SMLR1: variants seen among roughly 807,000 people sequenced by gnomAD.
SMLR1 encodes the protein small leucine rich protein 1, also known as small leucine-rich protein 1.
A neutral mutation model predicts 6.1 loss-of-function variants in SMLR1; 3 were observed. The ratio of observed to expected loss-of-function variants is 0.49; its 90% CI spans 0.22 to 1.28. The LOEUF (loss-of-function observed/expected upper bound fraction) is 1.28. Ranked by LOEUF, SMLR1 falls within the 50% of genes most tolerant of loss-of-function variation. The pLI is 0.19. For missense variants in SMLR1, 126 were observed against 124.8 expected (o/e 1.01, Z -0.05); for synonymous variants, 55 against 53.6 (o/e 1.03, Z -0.11).
At position 130,836,483 on chromosome 6, in the gene SMLR1, CAGA is replaced by C. The variant is rs1294673467; in HGVS notation, c.*1531_*1533del. 1 of 152,238 alleles carries C rather than the reference CAGA, an allele frequency of 6.6e-6. No homozygotes were observed. Among genetic ancestry groups the C allele is most frequent in the African/African-American group, 2.4e-5 (1 of 41,458 alleles). The allele number at this position is 152,238 out of a possible 1,614,324, so 9.4% of individuals were successfully genotyped here. Reference sequence around the variant, plus strand: ...CATCTTCCTCCAATAATGGGCACTTCAGAAGGCCAGTTCCAGCTCTGGTGGGTG... The same window carrying C: ...CATCTTCCTCCAATAATGGGCACTTCAGGCCAGTTCCAGCTCTGGTGGGTG... On this transcript the variant is annotated 3_prime_UTR_variant, in exon 2 of 2. Coordinates refer to ENST00000541421, the MANE Select transcript of SMLR1 (RefSeq NM_001195597.2).
chr6:130,830,890 G>GCC (rs1033639007), intron 1 of SMLR1, among the ~76,000 whole-genome samples: 1 of 151,898 alleles, frequency 6.6e-6, no homozygotes, highest in African/African-American at 2.4e-5. Context: ...ATAAATAACC[G>GCC]CCCCCCCGCG....
At chr6:130,833,900 A>T (rs1774553966) in intron 1 of SMLR1, among the ~76,000 whole-genome samples, 1 of 152,178 alleles carries the variant, frequency 6.6e-6, no homozygotes, top group African/African-American at 2.4e-5. Flanking sequence ...CAATGTATCA[A>T]GTAAGGGATA....
chr6:130,836,560 C>T lies in SMLR1; in HGVS notation c.*1605C>T, dbSNP rs1477115831. 1.3e-5 allele frequency: 2 copies of T among 152,186 alleles called. No homozygotes were observed. Among genetic ancestry groups the T allele is most frequent in the Admixed American group, 1.3e-4 (2 of 15,276 alleles). The allele number at this position is 152,186 out of a possible 1,614,324, so 9.4% of individuals were successfully genotyped here. ...TGATAACACATGAGCTCTATATAGA[C>T]ATGTTTTCAGCACCAAGCACTACCA... On this transcript the variant is annotated 3_prime_UTR_variant, in exon 2 of 2. Coordinates refer to ENST00000541421, the MANE Select transcript of SMLR1 (RefSeq NM_001195597.2).
At chr6:130,827,793 T>C in intron 1 of SMLR1, 142 bp downstream of exon 1, 1 of 678,852 alleles carries the variant, frequency 1.5e-6, no homozygotes, top group Non-Finnish European at 2.4e-6. Context: ...ATCAGTGTTC[T>C]CTCAAGTTCC....
In SMLR1 at chr6:130,836,054, G is replaced by C. The variant is rs895710352; in HGVS notation, c.*1099G>C. ...CTAAAGGTTGTGTGGATGACCCAAA[G>C]CAAAAATATACCATCAGTGCTGGAT... is the stretch of plus-strand genomic sequence containing the variant. On this transcript the variant is annotated 3_prime_UTR_variant, in exon 2 of 2. Transcript: ENST00000541421. 4 of 152,082 alleles carry C rather than the reference G, an allele frequency of 2.6e-5. No homozygotes were observed. The highest frequency in any genetic ancestry group is 9.7e-5 in the African/African-American group (4 of 41,396). 9.4% of individuals were successfully genotyped at this position (152,082 alleles called of 1,614,324 possible).
rs1026021385 is a variant in SMLR1, at chr6:130,835,419, T to C, written c.*464T>C. On this transcript the variant is annotated 3_prime_UTR_variant, in exon 2 of 2. Transcript: ENST00000541421. ...TTCCATATGCAAGAATATTTCCACG[T>C]TCTTCTTGCAGTTCAGCAACTCTTA... 3 of 154,924 alleles carry C rather than the reference T, an allele frequency of 1.9e-5. No individual in the cohort carries two copies. The highest frequency in any genetic ancestry group is 7.2e-5 in the African/African-American group (3 of 41,474). 9.6% of individuals were successfully genotyped at this position (154,924 alleles called of 1,614,324 possible). A position where few individuals can be genotyped will look rare whatever the true frequency, so the allele number is the denominator to read the frequency against.
At chr6:130,831,674 T>C (rs986873918) in intron 1 of SMLR1, among the ~76,000 whole-genome samples, 4 of 152,208 alleles carry the variant, frequency 2.6e-5, no homozygotes, top group African/African-American at 9.6e-5. Context: ...ATGTCGTTAA[T>C]CTTCCAACCA....
intron 1 of SMLR1, 125 bp downstream of exon 1, chr6:130,827,776 C>G (rs1014147257): frequency 5.6e-6 from 4 of 709,130 alleles, no homozygotes; most frequent in Admixed American, 5.8e-5. Flanking sequence ...TTTGTAGGTA[C>G]TTCTCAATCA....
At chr6:130,830,732 A>C (rs941287132) in intron 1 of SMLR1, among the ~76,000 whole-genome samples, 2 of 152,174 alleles carry the variant, frequency 1.3e-5, no homozygotes, top group Non-Finnish European at 2.9e-5. Context: ...TTGCAGAAAG[A>C]AGCCACCCAA....
chr6:130,828,496 T>C (rs1774346951), intron 1 of SMLR1, among the ~76,000 whole-genome samples: 1 of 152,224 alleles, frequency 6.6e-6, no homozygotes. Flanking sequence ...TTTGAACATC[T>C]GTTTATGTAA....
chr6:130,827,671 A>G lies in SMLR1; in HGVS notation c.238+20A>G. 30 of 1,524,504 alleles carry G rather than the reference A, an allele frequency of 2.0e-5. No individual in the cohort carries two copies. The highest frequency in any genetic ancestry group is 2.6e-5 in the Non-Finnish European group (30 of 1,136,530). The allele number at this position is 1,524,504 out of a possible 1,614,324, so 94.4% of individuals were successfully genotyped here. A position where few individuals can be genotyped will look rare whatever the true frequency, so the allele number is the denominator to read the frequency against. On this transcript the variant is annotated intron_variant, in intron 1 of 1. Transcript: ENST00000541421. Reference sequence around the variant, plus strand: ...TTGAGGGTAAGTGTGAGGCCACACAAGGAAGAACTTGGGCATCCTTTCCCA... The same window carrying G: ...TTGAGGGTAAGTGTGAGGCCACACAGGGAAGAACTTGGGCATCCTTTCCCA...
At chr6:130,832,806 G>A (rs1315590457) in intron 1 of SMLR1, among the ~76,000 whole-genome samples, 1 of 152,168 alleles carries the variant, frequency 6.6e-6, no homozygotes, top group Non-Finnish European at 1.5e-5. Flanking sequence ...CGAGTCCTCA[G>A]TAGGGGTTCT....
rs1774645126 is a variant in SMLR1, at chr6:130,835,978, T to C, written c.*1023T>C. The C allele has an allele frequency of 6.6e-6, 1 of 152,174 alleles. No individual in the cohort carries two copies. Among genetic ancestry groups the C allele is most frequent in the Non-Finnish European group, 1.5e-5 (1 of 68,018 alleles). 9.4% of individuals were successfully genotyped at this position (152,174 alleles called of 1,614,324 possible). A position where few individuals can be genotyped will look rare whatever the true frequency, so the allele number is the denominator to read the frequency against. ...GATCCACTTTATAAAACATAATGAA[T>C]GGGGTCACCTGTAAGAAATGCACCT... is the stretch of plus-strand genomic sequence containing the variant. On this transcript the variant is annotated 3_prime_UTR_variant, in exon 2 of 2. Coordinates refer to ENST00000541421, the MANE Select transcript of SMLR1 (RefSeq NM_001195597.2).
In SMLR1 at chr6:130,836,082, T is replaced by C. The variant is rs1298173125; in HGVS notation, c.*1127T>C. On this transcript the variant is annotated 3_prime_UTR_variant, in exon 2 of 2. Transcript: ENST00000541421. ...AAAATATACCATCAGTGCTGGATTT[T>C]TACTGCTTCTTCCCCTCAGCCCCAC... The C allele has an allele frequency of 2.0e-5, 3 of 152,190 alleles. No homozygotes were observed. Among genetic ancestry groups the C allele is most frequent in the African/African-American group, 7.2e-5 (3 of 41,438 alleles). The allele number at this position is 152,190 out of a possible 1,614,324, so 9.4% of individuals were successfully genotyped here.
intron 1 of SMLR1, 149 bp from the exon 2 acceptor site, chr6:130,834,721 C>T: frequency 1.6e-6 from 1 of 631,810 alleles, no homozygotes; most frequent in Non-Finnish European, 2.8e-6. Flanking sequence ...AGGATCGATC[C>T]TGTAATAGGA....
chr6:130,829,183 G>A (rs1376655815), intron 1 of SMLR1, among the ~76,000 whole-genome samples: 1 of 152,126 alleles, frequency 6.6e-6, no homozygotes. Context: ...GCAAGTACAG[G>A]TCTAGATAGC....
At chr6:130,833,913 T>C (rs1774554650) in intron 1 of SMLR1, among the ~76,000 whole-genome samples, 1 of 152,118 alleles carries the variant, frequency 6.6e-6, no homozygotes, top group Non-Finnish European at 1.5e-5. Flanking sequence ...AAGGGATAAA[T>C]TGCATGGGCT....
At chr6:130,829,722 T>G (rs1035390879) in intron 1 of SMLR1, among the ~76,000 whole-genome samples, 1 of 152,230 alleles carries the variant, frequency 6.6e-6, no homozygotes, top group African/African-American at 2.4e-5. Flanking sequence ...TCTTCACACT[T>G]CCTTCCCCTT....
chr6:130,830,861 T>G (rs1490196494), intron 1 of SMLR1, among the ~76,000 whole-genome samples: 1 of 152,080 alleles, frequency 6.6e-6, no homozygotes, highest in Non-Finnish European at 1.5e-5. Context: ...TTACCCTACA[T>G]GGCCTAAAAA....
Sources: gnomAD v4.1 joint callset for allele counts (sites outside exome capture counted in the v4.1 genomes callset) on GRCh38, gnomAD v4.1.1 for gene constraint, MANE v1.5 for transcripts, NCBI Gene and HGNC (gene_info 2026-07-23, HGNC 2026-07-21) for gene names.